Variants in ASF1A observed in about 807,000 individuals in gnomAD.
ASF1A encodes anti-silencing function 1A histone chaperone.
Under a neutral mutation model 22.0 loss-of-function variants are expected in ASF1A, and 5 were observed. The observed-to-expected ratio is 0.23, with a 90% confidence interval of 0.12 to 0.48. The LOEUF is 0.48. Among genes scored for constraint, ASF1A ranks in the 20% least tolerant of loss-of-function variants. The pLI, the probability that ASF1A is intolerant of heterozygous loss-of-function variation, is 0.99. For missense variants in ASF1A, 137 were observed against 240.6 expected (o/e 0.57, Z 2.85); for synonymous variants, 97 against 86.7 (o/e 1.12, Z -0.66).
chr6:118,907,634 T>A lies in ASF1A; in HGVS notation c.*20T>A, dbSNP rs1780267186. 6.3e-7 allele frequency: 1 copy of A among 1,582,996 alleles called. No homozygotes were observed. The highest frequency in any genetic ancestry group is 8.7e-7 in the Non-Finnish European group (1 of 1,152,336). ...ATGTGACCACCTACCATCCCTTTAG[T>A]ACAAATTAAGCTATTAAAAATACAC... On this transcript the variant is annotated 3_prime_UTR_variant, in exon 4 of 4. Transcript: ENST00000229595.
At chr6:118,901,752 T>C (rs1779810933) in intron 2 of ASF1A, among the ~76,000 whole-genome samples, 1 of 152,204 alleles carries the variant, frequency 6.6e-6, no homozygotes, top group South Asian at 2.1e-4. Context: ...TAATTTCTGT[T>C]ACAAGTATTT....
intron 1 of ASF1A, among the ~76,000 whole-genome samples, chr6:118,894,948 G>A (rs1434620032): frequency 6.6e-6 from 1 of 152,182 alleles, no homozygotes. Flanking sequence ...GTTCGGAGCG[G>A]AGCCATCTTA....
intron 1 of ASF1A, among the ~76,000 whole-genome samples, chr6:118,898,581 C>T (rs527694786): frequency 2.6e-5 from 4 of 152,014 alleles, no homozygotes; most frequent in Non-Finnish European, 5.9e-5. Context: ...TGTGCCACCC[C>T]TAATTTTTGT....
intron 1 of ASF1A, among the ~76,000 whole-genome samples, chr6:118,899,560 T>C (rs1779666295): frequency 6.6e-6 from 1 of 152,196 alleles, no homozygotes; most frequent in Non-Finnish European, 1.5e-5. Context: ...GGAAGTGTGC[T>C]GGAAGCTGGA....
chr6:118,904,578 C>T (rs927561209), intron 2 of ASF1A, among the ~76,000 whole-genome samples: 6 of 152,182 alleles, frequency 3.9e-5, no homozygotes, highest in Middle Eastern at 3.2e-3. Context: ...ACGGATGGGG[C>T]CCTGCCCTTC....
At chr6:118,900,920 T>G in intron 2 of ASF1A, 39 bp downstream of exon 2, 1 of 1,362,918 alleles carries the variant, frequency 7.3e-7, no homozygotes, top group Non-Finnish European at 1.1e-6. Flanking sequence ...CCAAATATGT[T>G]TCGAAGTAGA....
At chr6:118,899,703 G>A (rs1369904585) in intron 1 of ASF1A, among the ~76,000 whole-genome samples, 1 of 152,200 alleles carries the variant, frequency 6.6e-6, no homozygotes, top group Non-Finnish European at 1.5e-5. Context: ...TAAATAAGCA[G>A]TACGTTACTA....
At chr6:118,896,789 A>G (rs1343652927) in intron 1 of ASF1A, among the ~76,000 whole-genome samples, 2 of 152,024 alleles carry the variant, frequency 1.3e-5, no homozygotes, top group Non-Finnish European at 2.9e-5. Flanking sequence ...CCATACTTTT[A>G]TATTACAGTT....
chr6:118,905,895 A>G, intron 3 of ASF1A, 67 bp downstream of exon 3: 3 of 1,181,744 alleles, frequency 2.5e-6, no homozygotes, highest in South Asian at 1.6e-5. Flanking sequence ...TGCTATTGCA[A>G]TTTCATAGTA....
intron 1 of ASF1A, among the ~76,000 whole-genome samples, 167 bp downstream of exon 1, chr6:118,894,689 C>T (rs1779226679): frequency 6.6e-6 from 1 of 152,234 alleles, no homozygotes; most frequent in African/African-American, 2.4e-5. Flanking sequence ...GAGGCGCGCG[C>T]GGCTTTCCGC....
At chr6:118,895,383 T>G (rs1779322900) in intron 1 of ASF1A, among the ~76,000 whole-genome samples, 1 of 152,162 alleles carries the variant, frequency 6.6e-6, no homozygotes, top group South Asian at 2.1e-4. Context: ...GAAGTTACAT[T>G]TAACCTAAAA....
At position 118,909,134 on chromosome 6, in the gene ASF1A, A is replaced by C. The variant is rs1457647326; in HGVS notation, c.*1520A>C. ...TTGCAATTAAAAGAAAAATGTTAAA[A>C]TATTAAAATGAAAATAAAAGCATTA... On this transcript the variant is annotated 3_prime_UTR_variant, in exon 4 of 4. Transcript: ENST00000229595. 6.6e-6 allele frequency: 1 copy of C among 152,194 alleles called. No individual in the cohort carries two copies. The highest frequency in any genetic ancestry group is 2.4e-5 in the African/African-American group (1 of 41,468). 9.4% of individuals were successfully genotyped at this position (152,194 alleles called of 1,614,324 possible). A position where few individuals can be genotyped will look rare whatever the true frequency, so the allele number is the denominator to read the frequency against.
At chr6:118,898,744 T>C (rs1779607427) in intron 1 of ASF1A, among the ~76,000 whole-genome samples, 1 of 152,208 alleles carries the variant, frequency 6.6e-6, no homozygotes, top group Admixed American at 6.5e-5. Context: ...CTTAGTCTTA[T>C]CCTCACTTGG....
At chr6:118,905,912 T>G in intron 3 of ASF1A, 84 bp downstream of exon 3, 2 of 1,016,740 alleles carry the variant, frequency 2.0e-6, no homozygotes, top group Non-Finnish European at 2.8e-6. Flanking sequence ...AGTATACTAT[T>G]AAAATGGCTT....
chr6:118,900,938 A>G (rs1489279571), intron 2 of ASF1A, 57 bp downstream of exon 2: 1 of 1,188,872 alleles, frequency 8.4e-7, no homozygotes, highest in Non-Finnish European at 1.3e-6. Flanking sequence ...AGACTATATT[A>G]TCTATTATCT....
At chr6:118,905,351 A>G (rs1034136455) in intron 2 of ASF1A, among the ~76,000 whole-genome samples, 3 of 90,804 alleles carry the variant, frequency 3.3e-5, no homozygotes, top group Admixed American at 2.5e-4. Flanking sequence ...AGGTTTTATA[A>G]TGAATAGTGT....
intron 2 of ASF1A, among the ~76,000 whole-genome samples, chr6:118,903,289 G>T (rs1046134705): frequency 6.6e-6 from 1 of 152,144 alleles, no homozygotes; most frequent in Non-Finnish European, 1.5e-5. Context: ...CTGTGCAGGG[G>T]TGTGTAGAAT....
At chr6:118,900,727 T>C in intron 1 of ASF1A, 39 bp from the exon 2 acceptor site, 1 of 1,361,844 alleles carries the variant, frequency 7.3e-7, no homozygotes, top group African/African-American at 1.4e-5. Context: ...GTAATGTAAT[T>C]ACTGAATATG....
chr6:118,894,481 A>G lies in ASF1A; in HGVS notation c.68A>G (p.Gln23Arg). 1 of 1,537,158 alleles carries G rather than the reference A, an allele frequency of 6.5e-7. No individual in the cohort carries two copies. The highest frequency in any genetic ancestry group is 8.7e-7 in the Non-Finnish European group (1 of 1,146,824). Residue 23 changes from glutamine (Q) to arginine (R), a missense_variant, in exon 1 of 4, where the codon CAG becomes CGG. Gln to Arg is a conservative substitution (Grantham distance 43). Coordinates refer to ENST00000229595, the MANE Select transcript of ASF1A (RefSeq NM_014034.3). ...CCTTCTCCTTTCTACAACCCGTTCC[A>G]GTTCGAGATCACCTTCGAGTGCATC... ...DNPSPFYNPF[Q>R]FEITFECIED...
Sources: gnomAD v4.1 joint callset for allele counts (sites outside exome capture counted in the v4.1 genomes callset) on GRCh38, gnomAD v4.1.1 for gene constraint, MANE v1.5 for transcripts, NCBI Gene and HGNC (gene_info 2026-07-23, HGNC 2026-07-21) for gene names.